The following ROR1 variants were observed in gnomAD, a reference collection of about 807,000 sequenced individuals.
ROR1 encodes the protein inactive tyrosine-protein kinase transmembrane receptor ROR1.
In ROR1, 19 loss-of-function variants were observed where a neutral mutation model predicts 78.8. The ratio of observed to expected loss-of-function variants is 0.24; its 90% CI spans 0.17 to 0.35. The LOEUF (loss-of-function observed/expected upper bound fraction) is 0.35. Ranked by LOEUF, ROR1 falls within the 10% of genes least tolerant of loss-of-function variation. The pLI is 1.00. For missense variants in ROR1, 917 were observed against 1,177.8 expected (o/e 0.78, Z 3.24); for synonymous variants, 386 against 433.6 (o/e 0.89, Z 1.36).
Position 63,886,279 on chromosome 1 carries a change from A to G in ROR1, c.91+111771A>G, listed in dbSNP as rs557978174. ...TGTGCAACCCCGTTCCTAACAGGCC[A>G]TGGACTAGTACTAGTCGTGGCCCTG... On this transcript the variant is annotated intron_variant, in intron 1 of 8. Coordinates refer to ENST00000371079, the MANE Select transcript of ROR1 (RefSeq NM_005012.4). Among the ~76,000 whole-genome samples, 4 of 152,260 alleles carry G rather than the reference A, an allele frequency of 2.6e-5. No homozygotes were observed. In the South Asian group the frequency reaches 6.2e-4, roughly 24 times the overall value.
At chr1:63,923,739 C>T (rs1645675875) in intron 1 of ROR1, among the ~76,000 whole-genome samples, 1 of 151,656 alleles carries the variant, frequency 6.6e-6, no homozygotes, top group South Asian at 2.1e-4. Flanking sequence ...TTGTAAAACT[C>T]TTCAGCGGTT....
intron 1 of ROR1, among the ~76,000 whole-genome samples, chr1:63,940,474 TAGATAGACAGATAGATAGACAGAC>T (rs1320432683): frequency 1.7e-3 from 252 of 146,716 alleles, no homozygotes; most frequent in Middle Eastern, 3.4e-3. Context: ...CGTAGATAGA[TAGATAGACAGATAGATAGACAGAC>T]AGATAGATAG....
intron 1 of ROR1, among the ~76,000 whole-genome samples, chr1:63,975,312 AC>A (rs1169387739): frequency 6.6e-6 from 1 of 152,236 alleles, no homozygotes; most frequent in Non-Finnish European, 1.5e-5. Context: ...GTTCGATGGT[AC>A]GATATATCTT....
chr1:63,849,663 C>T (rs1405926111), intron 1 of ROR1, among the ~76,000 whole-genome samples: 3 of 152,092 alleles, frequency 2.0e-5, no homozygotes, highest in African/African-American at 7.2e-5. Flanking sequence ...GTACCCCACA[C>T]TACAGCCTGA....
chr1:63,816,743 CT>C (rs1271132659), intron 1 of ROR1, among the ~76,000 whole-genome samples: 1 of 152,168 alleles, frequency 6.6e-6, no homozygotes, highest in Non-Finnish European at 1.5e-5. Context: ...TCTTACCAAC[CT>C]TGTGAAGCCT....
intron 2 of ROR1, 89 bp downstream of exon 2, chr1:64,009,465 T>C: frequency 9.7e-7 from 1 of 1,034,376 alleles, no homozygotes; most frequent in African/African-American, 1.6e-5. Context: ...ATCAACTGTT[T>C]TTCAGATCAC....
intron 2 of ROR1, among the ~76,000 whole-genome samples, chr1:64,019,851 TTTGGA>T (rs1646549989): frequency 6.6e-6 from 1 of 152,206 alleles, no homozygotes; most frequent in Non-Finnish European, 1.5e-5. Context: ...TTTTTCTTTA[TTTGGA>T]AAAGGGGTTT....
chr1:64,132,143 G>A (rs1648932952), intron 4 of ROR1, among the ~76,000 whole-genome samples: 1 of 151,992 alleles, frequency 6.6e-6, no homozygotes, highest in South Asian at 2.1e-4. Flanking sequence ...CATATAAATG[G>A]GATCATACAA....
In ROR1 at chr1:63,937,225, C is replaced by T. The variant is rs141867968; in HGVS notation, c.92-72080C>T. On this transcript the variant is annotated intron_variant, in intron 1 of 8. Coordinates refer to ENST00000371079, the MANE Select transcript of ROR1 (RefSeq NM_005012.4). ...AGGTTTAGCACAATGCTTTGCACTT[C>T]TCAGTGAGCCGGCAGTGCTTCTGGA... 1.2e-3 allele frequency among the ~76,000 whole-genome samples: 180 copies of T among 152,310 alleles called. 1 individual carries two copies. In the Middle Eastern group the frequency reaches 0.014, roughly 12 times the overall value.
intron 4 of ROR1, among the ~76,000 whole-genome samples, chr1:64,095,510 T>TA (rs1435117375): frequency 6.6e-6 from 1 of 152,180 alleles, no homozygotes; most frequent in East Asian, 1.9e-4. Context: ...AAATAATAGT[T>TA]ACCTCTTGAA....
Position 64,179,659 on chromosome 1 carries a change from G to A in ROR1, c.*804G>A, listed in dbSNP as rs993666300. ...GATTAGGAATGAGGCGCCAAAGGAA[G>A]CACAGCCAGGAAAATGGCCCCACAG... On this transcript the variant is annotated 3_prime_UTR_variant, in exon 9 of 9. Coordinates refer to ENST00000371079, the MANE Select transcript of ROR1 (RefSeq NM_005012.4). 2 of 152,176 alleles carry A rather than the reference G, an allele frequency of 1.3e-5. No individual in the cohort carries two copies. The highest frequency in any genetic ancestry group is 2.4e-5 in the African/African-American group (1 of 41,428). 9.4% of individuals were successfully genotyped at this position (152,176 alleles called of 1,614,324 possible).
At position 63,909,241 on chromosome 1, in the gene ROR1, C is replaced by T. The variant is rs573798394; in HGVS notation, c.92-100064C>T. On this transcript the variant is annotated intron_variant, in intron 1 of 8. Transcript: ENST00000371079. ...ATACTTTTCCTCAGCTCCTTCTTTT[C>T]TCTTTTTTAACTTAGGAAACTGAGC... Among the ~76,000 whole-genome samples, 20 of 152,264 alleles carry T rather than the reference C, an allele frequency of 1.3e-4. No individual in the cohort carries two copies. The South Asian group carries it at 4.2e-3, about 32-fold the overall frequency.
At chr1:63,865,066 G>GA (rs954018739) in intron 1 of ROR1, among the ~76,000 whole-genome samples, 13 of 152,040 alleles carry the variant, frequency 8.6e-5, no homozygotes, top group African/African-American at 2.9e-4. Flanking sequence ...GTTAAAACTA[G>GA]AAAATCCAAG....
intron 4 of ROR1, among the ~76,000 whole-genome samples, chr1:64,112,797 AC>A (rs11318432): frequency 0.13 from 20,404 of 152,022 alleles, 1,505 homozygotes; most frequent in African/African-American, 0.18. Flanking sequence ...TATAGGTTCA[AC>A]TGGCAGTTCT....
intron 4 of ROR1, among the ~76,000 whole-genome samples, chr1:64,059,269 T>C (rs1453657441): frequency 3.3e-5 from 5 of 152,148 alleles, no homozygotes; most frequent in Non-Finnish European, 7.4e-5. Context: ...CGTTGAAAAC[T>C]GGATATTGAA....
intron 1 of ROR1, among the ~76,000 whole-genome samples, chr1:63,821,280 G>A (rs560336589): frequency 6.6e-6 from 1 of 152,330 alleles, no homozygotes; most frequent in East Asian, 1.9e-4. Context: ...TTCTGATGGT[G>A]AAATTTGAAC....
chr1:64,130,081 G>A (rs539361409), intron 4 of ROR1, among the ~76,000 whole-genome samples: 52 of 152,256 alleles, frequency 3.4e-4, no homozygotes, highest in African/African-American at 1.2e-3. Context: ...CTTTAGCTAA[G>A]CGAATAAATG....
At chr1:63,917,689 A>G (rs978885617) in intron 1 of ROR1, among the ~76,000 whole-genome samples, 29 of 152,184 alleles carry the variant, frequency 1.9e-4, no homozygotes, top group African/African-American at 6.3e-4. Flanking sequence ...GTCCAGGAAA[A>G]TGGAGATGTG....
intron 1 of ROR1, among the ~76,000 whole-genome samples, chr1:63,822,172 T>G (rs943891714): frequency 6.6e-6 from 1 of 152,206 alleles, no homozygotes. Context: ...TGTGAAACAC[T>G]AGAATGGAAT....
Sources: gnomAD v4.1 joint callset for allele counts (sites outside exome capture counted in the v4.1 genomes callset) on GRCh38, gnomAD v4.1.1 for gene constraint, MANE v1.5 for transcripts, NCBI Gene and HGNC (gene_info 2026-07-23, HGNC 2026-07-21) for gene names.